The following SLC17A5 variants were observed in gnomAD, a reference collection of about 807,000 sequenced individuals.
The protein encoded by SLC17A5 is sialin.
In SLC17A5, 47 loss-of-function variants were observed where a neutral mutation model predicts 59.4. The observed-to-expected ratio is 0.79, with a 90% CI of 0.63 to 1.01. The LOEUF (loss-of-function observed/expected upper bound fraction) is 1.01, where lower values mean the gene tolerates loss of function less well. SLC17A5 is among the 50% of genes least tolerant of loss of function. SLC17A5 has a pLI of 0.00. For synonymous variants in SLC17A5, 202 were observed against 210.7 expected (o/e 0.96, Z 0.36); for missense variants, 522 against 595.5 (o/e 0.88, Z 1.28).
intron 1 of SLC17A5, 164 bp downstream of exon 1, chr6:73,653,629 A>T: frequency 1.9e-6 from 1 of 516,964 alleles, no homozygotes; most frequent in Non-Finnish European, 2.5e-6. Context: ...GGCAGGCGGG[A>T]CTGAGCGGCA....
intron 8 of SLC17A5, among the ~76,000 whole-genome samples, chr6:73,613,634 T>G (rs1045873824): frequency 6.6e-6 from 1 of 152,180 alleles, no homozygotes; most frequent in Non-Finnish European, 1.5e-5. Flanking sequence ...AGTGCTAGGA[T>G]TACAGGCATA....
At chr6:73,643,193 G>T (rs1022039440) in intron 2 of SLC17A5, among the ~76,000 whole-genome samples, 1 of 150,874 alleles carries the variant, frequency 6.6e-6, no homozygotes, top group African/African-American at 2.4e-5. Flanking sequence ...ACGGAATCTC[G>T]CTGTGGCCCA....
At chr6:73,604,192 A>G (rs747696177) in intron 9 of SLC17A5, among the ~76,000 whole-genome samples, 4 of 152,048 alleles carry the variant, frequency 2.6e-5, no homozygotes, top group Non-Finnish European at 5.9e-5. Context: ...GTCAACTGCA[A>G]TGTTGCCAGC....
At chr6:73,622,976 T>C (rs1273430958) in intron 6 of SLC17A5, among the ~76,000 whole-genome samples, 1 of 152,230 alleles carries the variant, frequency 6.6e-6, no homozygotes, top group African/African-American at 2.4e-5. Flanking sequence ...TCAGAGAGGT[T>C]AATAATGGCA....
In SLC17A5 at chr6:73,595,124, C is replaced by A; in HGVS notation, c.1441G>T (p.Glu481Ter). ...AIFFTLFAKGEVQNWALNDHH... is the reference protein window; with the variant it reads ...AIFFTLFAKG ...TCATTGAGAGCCCAGTTTTGTACTT[C>A]ACCTTTGGCGAATAGTGTAAAGAAA... The change falls in exon 11 of 11, where the codon GAA becomes TAA. Residue 481 changes from glutamate to a stop codon, truncating the protein, a stop_gained. Transcript: ENST00000355773. LOFTEE classifies it high-confidence loss of function. The A allele has an allele frequency of 6.2e-7, 1 of 1,614,126 alleles. No individual in the cohort carries two copies.
intron 7 of SLC17A5, among the ~76,000 whole-genome samples, chr6:73,616,358 C>A (rs1441292986): frequency 6.6e-6 from 1 of 152,114 alleles, no homozygotes; most frequent in Admixed American, 6.6e-5. Flanking sequence ...AGTTACATCA[C>A]CCAAATGTAC....
chr6:73,615,336 G>C lies in SLC17A5; in HGVS notation c.1090C>G (p.Arg364Gly), dbSNP rs150686745. 6.2e-7 allele frequency: 1 copy of C among 1,613,892 alleles called. No homozygotes were observed. Among genetic ancestry groups the C allele is most frequent in the Non-Finnish European group, 8.5e-7 (1 of 1,179,986 alleles). The change falls in exon 8 of 11, where the codon CGC becomes GGC. Residue 364 changes from arginine to glycine, a missense_variant. Around this residue, in one of 3 missense-constraint regions of SLC17A5, gnomAD observed 153 missense variants for 168.5 expected, o/e 0.91. Transcript: ENST00000355773. The part of the protein sequence containing the change: ...AKWNFSTLCV[R>G]RIFSLIGMIG... ...TTACCTATAAGGCTAAAAATTCTGC[G>C]AACACATAAAGTTGAAAAATTCCAT...
In SLC17A5 at chr6:73,593,727, A is replaced by C. The variant is rs1311681731; in HGVS notation, c.*1350T>G. ...AAACTTAGATGAAGACAGACTGAACAAACAGTGAGAATTAATTAAAAAAAA... is the reference window on the plus strand; with the variant it reads ...AAACTTAGATGAAGACAGACTGAACCAACAGTGAGAATTAATTAAAAAAAA... On this transcript the variant is annotated 3_prime_UTR_variant, in exon 11 of 11. Transcript: ENST00000355773. 1 of 152,230 alleles carries C rather than the reference A, an allele frequency of 6.6e-6. No homozygotes were observed. The highest frequency in any genetic ancestry group is 1.5e-5 in the Non-Finnish European group (1 of 68,044). The allele number at this position is 152,230 out of a possible 1,614,324, so 9.4% of individuals were successfully genotyped here. A position where few individuals can be genotyped will look rare whatever the true frequency, so the allele number is the denominator to read the frequency against.
chr6:73,620,048 C>T lies in SLC17A5; in HGVS notation c.978+1756G>A, dbSNP rs373664483. ...CAGTGATTCTCCTGCTTCAGCCTCT[C>T]GAGTAGCTAGGACTACAAGTGCCTG... is the stretch of plus-strand genomic sequence containing the variant. On this transcript the variant is annotated intron_variant, in intron 7 of 10. Coordinates refer to ENST00000355773, the MANE Select transcript of SLC17A5 (RefSeq NM_012434.5). Among the ~76,000 whole-genome samples the T allele has an allele frequency of 1.1e-4, 16 of 151,328 alleles. No homozygotes were observed. The East Asian group carries it at 1.2e-3, about 11-fold the overall frequency.
chr6:73,617,031 C>A (rs1691350), intron 7 of SLC17A5, among the ~76,000 whole-genome samples: 57,258 of 151,716 alleles, frequency 0.38, 11,909 homozygotes, highest in African/African-American at 0.56. Flanking sequence ...TGGCTCATGC[C>A]TGTAATCCCA....
chr6:73,608,463 TG>T (rs1490920570), intron 9 of SLC17A5, among the ~76,000 whole-genome samples: 1 of 152,202 alleles, frequency 6.6e-6, no homozygotes, highest in Non-Finnish European at 1.5e-5. Flanking sequence ...AAACTACTAC[TG>T]TAAAAGACAG....
intron 8 of SLC17A5, among the ~76,000 whole-genome samples, chr6:73,613,508 G>A (rs1453872638): frequency 6.6e-6 from 1 of 152,112 alleles, no homozygotes; most frequent in Non-Finnish European, 1.5e-5. Flanking sequence ...TGGGATTACA[G>A]GCACTTGCCA....
intron 10 of SLC17A5, 102 bp from the exon 11 acceptor site, chr6:73,595,316 C>T (rs1470233432): frequency 2.5e-5 from 33 of 1,307,620 alleles, no homozygotes; most frequent in Non-Finnish European, 3.6e-5. Flanking sequence ...CCACATTATT[C>T]ATAAAAGCCT....
At position 73,641,757 on chromosome 6, in the gene SLC17A5, A is replaced by G. The variant is rs1561999766; in HGVS notation, c.459T>C (p.Thr153=). Residue 153 remains threonine, a synonymous_variant, in exon 3 of 11, where the codon ACT becomes ACC. Transcript: ENST00000355773. ...CAACTCCTAAATCTGCAGCAATGGG[A>G]GTGAACAGGGTGAGGACAGCAGTGC... The part of the protein sequence containing the change: ...ILGTAVLTLF[T]PIAADLGVGP... 1 of 1,614,178 alleles carries G rather than the reference A, an allele frequency of 6.2e-7. No homozygotes were observed. Among genetic ancestry groups the G allele is most frequent in the Admixed American group, 1.7e-5 (1 of 60,016 alleles).
chr6:73,624,786 T>C (rs1183057349), intron 6 of SLC17A5, among the ~76,000 whole-genome samples: 1 of 152,022 alleles, frequency 6.6e-6, no homozygotes, highest in Non-Finnish European at 1.5e-5. Flanking sequence ...GGCAGGAGAA[T>C]CGCTTGAACT....
chr6:73,627,415 A>G (rs1768478888), intron 6 of SLC17A5, among the ~76,000 whole-genome samples: 1 of 152,144 alleles, frequency 6.6e-6, no homozygotes. Flanking sequence ...TTAAAAATAT[A>G]ACAGCCACGT....
At chr6:73,617,709 G>T (rs1190503511) in intron 7 of SLC17A5, among the ~76,000 whole-genome samples, 1 of 151,824 alleles carries the variant, frequency 6.6e-6, no homozygotes, top group Non-Finnish European at 1.5e-5. Flanking sequence ...GTGTGGCGGT[G>T]GATGCCTGTA....
At position 73,653,108 on chromosome 6, in the gene SLC17A5, C is replaced by T. The variant is rs923840167; in HGVS notation, c.94+685G>A. 4 of 985,310 alleles carry T rather than the reference C, an allele frequency of 4.1e-6. No homozygotes were observed. The African/African-American group carries it at 7.0e-5, about 17-fold the overall frequency. The allele number at this position is 985,310 out of a possible 1,614,324, so 61.0% of individuals were successfully genotyped here. A position where few individuals can be genotyped will look rare whatever the true frequency, so the allele number is the denominator to read the frequency against. Reference sequence around the variant, plus strand: ...AACTGAACCTTTTCCTAACTTAAATCATAGACTGCCAGACGGAAAAAAAAT... The same window carrying T: ...AACTGAACCTTTTCCTAACTTAAATTATAGACTGCCAGACGGAAAAAAAAT... On this transcript the variant is annotated intron_variant, in intron 1 of 10. Transcript: ENST00000355773.
At chr6:73,652,294 T>A (rs944505656) in intron 1 of SLC17A5, among the ~76,000 whole-genome samples, 20 of 152,350 alleles carry the variant, frequency 1.3e-4, no homozygotes, top group South Asian at 4.1e-4. Flanking sequence ...GCTACTTTTT[T>A]AAAAATCAAC....
Sources: gnomAD v4.1 joint callset for allele counts (sites outside exome capture counted in the v4.1 genomes callset) on GRCh38, gnomAD v4.1.1 for gene constraint, gnomAD v4.1.1 regional missense constraint, MANE v1.5 for transcripts, NCBI Gene and HGNC (gene_info 2026-07-23, HGNC 2026-07-21) for gene names.